The following ARHGAP26 variants were observed in gnomAD, a reference collection of about 807,000 sequenced individuals.
ARHGAP26 encodes Rho GTPase activating protein 26.
ARHGAP26 carries 38 observed loss-of-function variants against 104.8 expected under a neutral mutation model. The observed-to-expected ratio is 0.36, with a 90% CI of 0.28 to 0.48. ARHGAP26 has a LOEUF of 0.48. ARHGAP26 is among the 20% of genes least tolerant of loss of function. The pLI, the probability that ARHGAP26 is intolerant of heterozygous loss-of-function variation, is 0.99. For missense variants in ARHGAP26, 704 were observed against 947.9 expected (o/e 0.74, Z 3.38); for synonymous variants, 341 against 340.0 (o/e 1.00, Z -0.03).
At chr5:143,207,365 G>A (rs766737289) in intron 21 of ARHGAP26, 57 bp downstream of exon 21, 24 of 1,613,904 alleles carry the variant, frequency 1.5e-5, no homozygotes, top group Non-Finnish European at 1.8e-5. Flanking sequence ...TCATTGGCTC[G>A]GTCCTCTCTT....
At chr5:142,805,616 GT>G (rs1473469183) in intron 1 of ARHGAP26, among the ~76,000 whole-genome samples, 1 of 152,128 alleles carries the variant, frequency 6.6e-6, no homozygotes, top group African/African-American at 2.4e-5. Context: ...CGAAAAATGA[GT>G]TTATATGAAG....
intron 20 of ARHGAP26, chr5:143,147,596 T>A (rs974161419): frequency 1.2e-4 from 64 of 525,828 alleles, no homozygotes; most frequent in Non-Finnish European, 1.0e-4. Context: ...CTTCTTAGCC[T>A]TGGTGATTTT....
chr5:142,993,158 G>GTTTT (rs746933068), intron 11 of ARHGAP26, among the ~76,000 whole-genome samples: 8 of 102,634 alleles, frequency 7.8e-5, no homozygotes, highest in Admixed American at 1.1e-4. Flanking sequence ...TTTTTGTGTG[G>GTTTT]TTTTTTTTTT....
In ARHGAP26 at chr5:143,093,278, C is replaced by T. The variant is rs116942464; in HGVS notation, c.1539-27710C>T. On this transcript the variant is annotated intron_variant, in intron 17 of 22. Coordinates refer to ENST00000645722, the MANE Select transcript of ARHGAP26 (RefSeq NM_001135608.3). ...AGCAGTTGCCGCTACAGGTTGAATG[C>T]ATTTGGGCCATCTGCGGGTTACTAG... is the stretch of plus-strand genomic sequence containing the variant. 3.5e-3 allele frequency among the ~76,000 whole-genome samples: 539 copies of T among 152,080 alleles called. 22 individuals carry two copies. The East Asian group carries it at 0.075, about 21-fold the overall frequency.
chr5:142,850,236 C>T (rs1181270228), intron 1 of ARHGAP26, among the ~76,000 whole-genome samples: 1 of 152,204 alleles, frequency 6.6e-6, no homozygotes, highest in Non-Finnish European at 1.5e-5. Context: ...AAATTGTCCC[C>T]TCTTCCCATA....
chr5:142,956,577 A>G (rs1023804860), intron 11 of ARHGAP26, among the ~76,000 whole-genome samples: 3 of 152,176 alleles, frequency 2.0e-5, no homozygotes, highest in Non-Finnish European at 1.5e-5. Context: ...TGTCTCAAAC[A>G]AAACAAAACA....
intron 22 of ARHGAP26, among the ~76,000 whole-genome samples, chr5:143,216,026 C>T (rs560760112): frequency 4.6e-5 from 7 of 152,104 alleles, no homozygotes; most frequent in East Asian, 1.9e-4. Flanking sequence ...GAGGAAATGC[C>T]GAACTGTTTC....
chr5:143,157,992 C>A (rs1800710539), intron 20 of ARHGAP26, among the ~76,000 whole-genome samples: 1 of 152,330 alleles, frequency 6.6e-6, no homozygotes, highest in East Asian at 1.9e-4. Context: ...TACCTACTTT[C>A]AAGGTTATAA....
chr5:142,789,360 G>C (rs1759318257), intron 1 of ARHGAP26, among the ~76,000 whole-genome samples: 1 of 152,142 alleles, frequency 6.6e-6, no homozygotes, highest in African/African-American at 2.4e-5. Flanking sequence ...CTGGAAATTA[G>C]AGTAGACCTT....
Position 143,227,056 on chromosome 5 carries a change from C to T in ARHGAP26, c.*4610C>T. ...GGGGAGAAAGACAGAAAGAAGAAGC[C>T]AAAGATAACCTGATCCCTGCCTGTC... On this transcript the variant is annotated 3_prime_UTR_variant, in exon 23 of 23. Transcript: ENST00000645722. The T allele has an allele frequency of 4.3e-6, 1 of 230,440 alleles. No individual in the cohort carries two copies. The highest frequency in any genetic ancestry group is 8.6e-6 in the Non-Finnish European group (1 of 116,334). 14.3% of individuals were successfully genotyped at this position (230,440 alleles called of 1,614,324 possible). A position where few individuals can be genotyped will look rare whatever the true frequency, so the allele number is the denominator to read the frequency against.
At chr5:142,776,822 A>G (rs752050581) in intron 1 of ARHGAP26, among the ~76,000 whole-genome samples, 2 of 152,136 alleles carry the variant, frequency 1.3e-5, no homozygotes, top group Non-Finnish European at 2.9e-5. Context: ...ACTTGTGTTT[A>G]TTTAAAAAAA....
At chr5:143,136,885 T>C (rs1464308896) in intron 19 of ARHGAP26, among the ~76,000 whole-genome samples, 1 of 152,180 alleles carries the variant, frequency 6.6e-6, no homozygotes, top group Non-Finnish European at 1.5e-5. Context: ...TAATAATTTG[T>C]GAAAAAAGGT....
intron 11 of ARHGAP26, among the ~76,000 whole-genome samples, chr5:142,963,376 G>A (rs1448206502): frequency 2.6e-5 from 4 of 151,858 alleles, no homozygotes; most frequent in African/African-American, 7.3e-5. Flanking sequence ...TGTATACCCA[G>A]TAATGGGATT....
chr5:142,890,690 C>A (rs1258258841), intron 5 of ARHGAP26, among the ~76,000 whole-genome samples: 9 of 152,028 alleles, frequency 5.9e-5, no homozygotes, highest in African/African-American at 1.9e-4. Context: ...GGAAGTGAGA[C>A]CCCTGTGTTC....
chr5:142,841,898 A>G (rs927548681), intron 1 of ARHGAP26, among the ~76,000 whole-genome samples: 2 of 151,828 alleles, frequency 1.3e-5, no homozygotes, highest in African/African-American at 4.8e-5. Context: ...CATTGTGGCT[A>G]CCTCTCCCCA....
chr5:142,770,654 G>A lies in ARHGAP26; in HGVS notation c.-108G>A, dbSNP rs991525573. 1.2e-6 allele frequency: 1 copy of A among 831,074 alleles called. No homozygotes were observed. The highest frequency in any genetic ancestry group is 1.8e-5 in the African/African-American group (1 of 54,394). 51.5% of individuals were successfully genotyped at this position (831,074 alleles called of 1,614,324 possible). On this transcript the variant is annotated 5_prime_UTR_variant, in exon 1 of 23. Transcript: ENST00000645722. ...GAGCCAGCGCCACACCTGTGGAGCC[G>A]GCGGCCGTCGGGGGAGCCGGCCGGG...
chr5:143,110,730 T>G (rs549044409), intron 17 of ARHGAP26, among the ~76,000 whole-genome samples: 1 of 152,338 alleles, frequency 6.6e-6, no homozygotes, highest in South Asian at 2.1e-4. Context: ...AATTGTTATG[T>G]AATTTAAAAT....
intron 11 of ARHGAP26, among the ~76,000 whole-genome samples, chr5:142,963,172 G>A (rs1096247): frequency 0.22 from 19,475 of 86,910 alleles, 3,253 homozygotes; most frequent in East Asian, 0.59. Context: ...TGGTATATAT[G>A]TATATATATA....
Position 142,932,088 on chromosome 5 carries a change from G to A in ARHGAP26, c.1070G>A (p.Arg357Gln), listed in dbSNP as rs1247273370. The A allele has an allele frequency of 5.0e-6, 8 of 1,613,986 alleles. No homozygotes were observed. The Admixed American group carries it at 5.0e-5, about 10-fold the overall frequency. ...ITMQALSEED[R>Q]RLWMEAMDGR... is the part of the protein sequence containing the mutation. ...ATGCAAGCTTTGTCGGAAGAGGACC[G>A]GAGGCTCTGGATGGAAGCCATGGAT... The change falls in exon 11 of 23, where the codon CGG (arginine) becomes CAG (glutamine). Residue 357 changes from arginine to glutamine, a missense_variant. Physicochemically the swap from Arg to Gln is conservative, Grantham distance 43. Around this residue, in one of 6 missense-constraint regions of ARHGAP26, gnomAD observed 287 missense variants for 438.8 expected, o/e 0.65. Transcript: ENST00000645722.
Sources: allele counts gnomAD v4.1 joint callset (sites outside exome capture counted in the v4.1 genomes callset), GRCh38; gene constraint gnomAD v4.1.1; regional missense constraint gnomAD v4.1.1; transcripts MANE v1.5; gene names NCBI Gene and HGNC (gene_info 2026-07-23, HGNC 2026-07-21).